Variants in PHACTR2 observed in about 807,000 individuals in gnomAD.
The protein encoded by PHACTR2 is chromosome 6 open reading frame 56.
In PHACTR2, 30 loss-of-function variants were observed where a neutral mutation model predicts 76.0. That is an observed-to-expected ratio of 0.39 (90% confidence interval 0.30 to 0.54). PHACTR2 has a LOEUF of 0.54. Among genes scored for constraint, PHACTR2 ranks in the 20% least tolerant of loss-of-function variants. PHACTR2 has a pLI of 0.61. For synonymous variants in PHACTR2, 292 were observed against 292.5 expected, an observed-to-expected ratio of 1.00 and a Z score of 0.02; for missense variants, 696 against 781.1, an observed-to-expected ratio of 0.89 and a Z score of 1.30.
chr6:143,545,105 G>T (rs1011847593), intron 1 of PHACTR2, among the ~76,000 whole-genome samples: 5 of 152,142 alleles, frequency 3.3e-5, no homozygotes, highest in Admixed American at 3.3e-4. Flanking sequence ...CATCATGCCT[G>T]GCTAATTGTT....
chr6:143,800,079 A>T lies in PHACTR2; in HGVS notation c.1846-6978A>T, dbSNP rs1293109155. Reference sequence around the variant, plus strand: ...TCTGGTGCTCGTGTACTGGATGCATATATATTTAGGATAGTTAACTCTTTT... The same window carrying T: ...TCTGGTGCTCGTGTACTGGATGCATTTATATTTAGGATAGTTAACTCTTTT... On this transcript the variant is annotated intron_variant, in intron 11 of 12. Transcript: ENST00000440869. This position sits in a 1 kb window ranked among gnomAD's most constrained non-coding sequence, Gnocchi z 4.8. 2.0e-5 allele frequency among the ~76,000 whole-genome samples: 3 copies of T among 152,120 alleles called. No homozygotes were observed. The highest frequency in any genetic ancestry group is 6.5e-5 in the Admixed American group (1 of 15,268).
rs58388072 is a variant in PHACTR2, at chr6:143,592,939, G to A, written c.217+55732G>A. Among the ~76,000 whole-genome samples, 64,511 of 151,052 alleles carry A rather than the reference G, an allele frequency of 0.43. 14,077 individuals are homozygous for A. The highest frequency in any genetic ancestry group is 0.46 in the African/African-American group (19,065 of 41,104). ...GACACACATCCCAGCTACTTGTGAG[G>A]GTGAGGTGGGAGGATCGCTTGAGCC... On this transcript the variant is annotated intron_variant, in intron 1 of 11. Transcript: ENST00000367584. This position sits in a 1 kb window ranked among gnomAD's most constrained non-coding sequence, Gnocchi z 4.0.
intron 1 of PHACTR2, among the ~76,000 whole-genome samples, chr6:143,576,825 G>A (rs1359612233): frequency 3.7e-5 from 5 of 136,318 alleles, no homozygotes; most frequent in African/African-American, 5.5e-5. Flanking sequence ...GCAGTGAGCC[G>A]AACTCGTACC....
In PHACTR2 at chr6:143,789,005, A is replaced by G. The variant is rs1462759153; in HGVS notation, c.1845+95A>G. 1 of 1,086,730 alleles carries G rather than the reference A, an allele frequency of 9.2e-7. No individual in the cohort carries two copies. The highest frequency in any genetic ancestry group is 2.1e-5 in the Admixed American group (1 of 48,426). 67.3% of individuals were successfully genotyped at this position (1,086,730 alleles called of 1,614,324 possible). ...TACTTAAGTCATCCCAGGGGACGAG[A>G]TCTTACCAAATATTACAACAGTTTT... is the stretch of plus-strand genomic sequence containing the variant. On this transcript the variant is annotated intron_variant, in intron 11 of 12. Transcript: ENST00000440869. This position sits in a 1 kb window ranked among gnomAD's most constrained non-coding sequence, Gnocchi z 5.1.
intron 1 of PHACTR2, among the ~76,000 whole-genome samples, chr6:143,567,604 G>A (rs1157977066): frequency 2.0e-5 from 3 of 152,246 alleles, no homozygotes; most frequent in Non-Finnish European, 2.9e-5. Flanking sequence ...TCACCATATT[G>A]GTCAGGCTGG....
chr6:143,538,157 GCCC>G (rs1443867729), intron 1 of PHACTR2, among the ~76,000 whole-genome samples: 1 of 152,132 alleles, frequency 6.6e-6, no homozygotes, highest in Non-Finnish European at 1.5e-5. Context: ...GGTAGCACCG[GCCC>G]ATGTGTTCTC....
intron 1 of PHACTR2, among the ~76,000 whole-genome samples, chr6:143,707,661 ATAATT>A (rs1255798244): frequency 6.6e-6 from 1 of 152,244 alleles, no homozygotes; most frequent in African/African-American, 2.4e-5. Context: ...AAGAATCTCT[ATAATT>A]TATTTATCAA....
chr6:143,808,894 CG>C (rs933884582), intron 12 of PHACTR2, among the ~76,000 whole-genome samples: 1 of 152,086 alleles, frequency 6.6e-6, no homozygotes, highest in African/African-American at 2.4e-5. Context: ...CTTCTAGGGT[CG>C]GGAAAAATGT....
rs1433960300 is a variant in PHACTR2, at chr6:143,784,216, G to T, written c.1707+936G>T. On this transcript the variant is annotated intron_variant, in intron 10 of 12. Transcript: ENST00000440869. This position sits in a 1 kb window ranked among gnomAD's most constrained non-coding sequence, Gnocchi z 4.5. ...GGTAAGTAATTTATTAAGTGAACTT[G>T]ATCATCCAGCCTGCCTGCTACAGTG... Among the ~76,000 whole-genome samples, 1 of 152,152 alleles carries T rather than the reference G, an allele frequency of 6.6e-6. No individual in the cohort carries two copies. Among genetic ancestry groups the T allele is most frequent in the African/African-American group, 2.4e-5 (1 of 41,420 alleles).
At chr6:143,699,362 A>G (rs1777847619) in intron 1 of PHACTR2, among the ~76,000 whole-genome samples, 2 of 152,110 alleles carry the variant, frequency 1.3e-5, no homozygotes, top group Non-Finnish European at 2.9e-5. Context: ...ACACTTTATG[A>G]ACTTAAAACA....
In PHACTR2 at chr6:143,760,448, C is replaced by T. The variant is rs202069880; in HGVS notation, c.502C>T (p.Pro168Ser). The T allele has an allele frequency of 6.2e-7, 1 of 1,613,600 alleles. No homozygotes were observed. The highest frequency in any genetic ancestry group is 1.7e-5 in the Admixed American group (1 of 59,998). Residue 168 changes from proline (P) to serine (S), a missense_variant, in exon 5 of 13, where the codon CCT becomes TCT. By Grantham distance (74) the Pro-to-Ser change is moderately conservative. Coordinates refer to ENST00000440869, the MANE Select transcript of PHACTR2 (RefSeq NM_001100164.2). This position sits in a 1 kb window ranked among gnomAD's most constrained non-coding sequence, Gnocchi z 6.4. Reference protein sequence around the residue: ...SETPAAPALPPSAPPKPRPKP... With the variant: ...SETPAAPALPSSAPPKPRPKP... ...AACACCGGCAGCTCCTGCTCTACCT[C>T]CTTCTGCTCCTCCTAAGCCTAGACC...
upstream of PHACTR2, among the ~76,000 whole-genome samples, chr6:143,673,807 C>T (rs1031502828): frequency 1.3e-5 from 2 of 151,842 alleles, no homozygotes; most frequent in African/African-American, 2.4e-5. Context: ...AGCCACACCC[C>T]GCCTCTGCAG....
In PHACTR2 at chr6:143,672,508, T is replaced by C. The variant is rs1158481811; in HGVS notation, c.14-39508T>C. Among the ~76,000 whole-genome samples, 1 of 151,996 alleles carries C rather than the reference T, an allele frequency of 6.6e-6. No individual in the cohort carries two copies. Among genetic ancestry groups the C allele is most frequent in the Non-Finnish European group, 1.5e-5 (1 of 67,958 alleles). On this transcript the variant is annotated intron_variant, in intron 1 of 11. Transcript: ENST00000305766. This position sits in a 1 kb window ranked among gnomAD's most constrained non-coding sequence, Gnocchi z 5.8. ...AAGCTGCAAGCAATAAACAAACAAA[T>C]ACAGTTAATTCTGACCACCTACTAT... is the stretch of plus-strand genomic sequence containing the variant.
At position 143,608,772 on chromosome 6, in the gene PHACTR2, G is replaced by GT. The variant is rs1187293791; in HGVS notation, c.13+452dup. On this transcript the variant is annotated intron_variant, in intron 1 of 11. Transcript: ENST00000305766. The surrounding 1 kb of genome is among the most constrained non-coding windows in gnomAD (Gnocchi z 4.6). ...TTTGGTCTGATGCTTTCATCTTCAC[G>GT]TTAGGATGCAATGTCGAAAATGTTT... 1.3e-5 allele frequency among the ~76,000 whole-genome samples: 2 copies of GT among 152,112 alleles called. No homozygotes were observed. The highest frequency in any genetic ancestry group is 4.8e-5 in the African/African-American group (2 of 41,412).
rs573895759 is a variant in PHACTR2, at chr6:143,764,119, G to A, written c.695-1142G>A. On this transcript the variant is annotated intron_variant, in intron 5 of 12. Transcript: ENST00000440869. This position sits in a 1 kb window ranked among gnomAD's most constrained non-coding sequence, Gnocchi z 4.7. ...GGCAAATATACCATAGCTATCCTTC[G>A]ATGAAGACCTTCTTGGAACTTAAGC... 6.6e-6 allele frequency among the ~76,000 whole-genome samples: 1 copy of A among 152,300 alleles called. No homozygotes were observed. Among genetic ancestry groups the A allele is most frequent in the South Asian group, 2.1e-4 (1 of 4,828 alleles).
rs762709636 is a variant in PHACTR2 at position 143,633,281 on chromosome 6, A to G, written c.13+24959A>G. Among the ~76,000 whole-genome samples the G allele has an allele frequency of 3.9e-5, 6 of 152,196 alleles. No homozygotes were observed. Among genetic ancestry groups the G allele is most frequent in the Non-Finnish European group, 7.4e-5 (5 of 68,024 alleles). ...TCTCTACCAGGATTTGGTGTTGTCA[A>G]TGTTCTGGATTTTGACCATTCTCAA... On this transcript the variant is annotated intron_variant, in intron 1 of 11. Transcript: ENST00000305766. The surrounding 1 kb of genome is among the most constrained non-coding windows in gnomAD (Gnocchi z 4.1).
rs1347083372 is a variant in PHACTR2 at position 143,807,933 on chromosome 6, T to C, written c.1922+800T>C. 6.6e-6 allele frequency among the ~76,000 whole-genome samples: 1 copy of C among 152,136 alleles called. No individual in the cohort carries two copies. Among genetic ancestry groups the C allele is most frequent in the Non-Finnish European group, 1.5e-5 (1 of 68,026 alleles). ...ATATAAAGGAAGTTGCTGTATAACC[T>C]CCAACTTTAACAGCAAACTTCCCTG... is the stretch of plus-strand genomic sequence containing the variant. On this transcript the variant is annotated intron_variant, in intron 12 of 12. Coordinates refer to ENST00000440869, the MANE Select transcript of PHACTR2 (RefSeq NM_001100164.2). This position sits in a 1 kb window ranked among gnomAD's most constrained non-coding sequence, Gnocchi z 5.5.
rs1309233813 is a variant in PHACTR2 at position 143,688,545 on chromosome 6, A to C, written c.46+10336A>C. ...AAGGTTTGATTTTGTCCTCCAAGCC[A>C]GTTCTTCCCTTGACTTTCTACATTT... is the stretch of plus-strand genomic sequence containing the variant. On this transcript the variant is annotated intron_variant, in intron 1 of 12. Coordinates refer to ENST00000440869, the MANE Select transcript of PHACTR2 (RefSeq NM_001100164.2). The surrounding 1 kb of genome is among the most constrained non-coding windows in gnomAD (Gnocchi z 5.2). Among the ~76,000 whole-genome samples the C allele has an allele frequency of 6.6e-6, 1 of 152,210 alleles. No homozygotes were observed. The highest frequency in any genetic ancestry group is 6.5e-5 in the Admixed American group (1 of 15,280).
At position 143,754,077 on chromosome 6, in the gene PHACTR2, T is replaced by C. The variant is rs1326805483; in HGVS notation, c.454+165T>C. On this transcript the variant is annotated intron_variant, in intron 4 of 12. Coordinates refer to ENST00000440869, the MANE Select transcript of PHACTR2 (RefSeq NM_001100164.2). This position sits in a 1 kb window ranked among gnomAD's most constrained non-coding sequence, Gnocchi z 6.2. ...TAACTAGTAAAGTGAAATCGGATGA[T>C]TTTCTCAGGTAGATGCATCCATTTT... is the stretch of plus-strand genomic sequence containing the variant. 2.3e-6 allele frequency: 1 copy of C among 433,606 alleles called. No individual in the cohort carries two copies. Among genetic ancestry groups the C allele is most frequent in the Non-Finnish European group, 4.1e-6 (1 of 245,958 alleles). 26.9% of individuals were successfully genotyped at this position (433,606 alleles called of 1,614,324 possible).
Sources: allele counts gnomAD v4.1 joint callset (sites outside exome capture counted in the v4.1 genomes callset), GRCh38; gene constraint gnomAD v4.1.1; non-coding constraint Gnocchi (gnomAD v3.1); transcripts MANE v1.5; gene names NCBI Gene and HGNC (gene_info 2026-07-23, HGNC 2026-07-21).